The following SETDB1 variants were observed in gnomAD, a reference collection of about 807,000 sequenced individuals.
The protein encoded by SETDB1 is histone-lysine N-methyltransferase SETDB1.
SETDB1 carries 31 observed loss-of-function variants against 137.4 expected under a neutral mutation model. That is an observed-to-expected ratio of 0.23 (90% CI 0.17 to 0.30). SETDB1 has a LOEUF of 0.30. Ranked by LOEUF, SETDB1 falls within the 10% of genes least tolerant of loss-of-function variation. The pLI is 1.00. For synonymous variants in SETDB1, 548 were observed against 579.9 expected, an observed-to-expected ratio of 0.95 and a Z score of 0.79; for missense variants, 1,113 against 1,631.5, an observed-to-expected ratio of 0.68 and a Z score of 5.47.
chr1:150,941,499 G>A (rs903066775), intron 5 of SETDB1, 71 bp downstream of exon 5: 1 of 916,164 alleles, frequency 1.1e-6, no homozygotes, highest in South Asian at 1.4e-5. Flanking sequence ...TAAGTCTTAT[G>A]TCTGCTAATT....
intron 14 of SETDB1, among the ~76,000 whole-genome samples, chr1:150,958,378 A>G (rs1238706951): frequency 6.6e-6 from 1 of 151,244 alleles, no homozygotes; most frequent in Non-Finnish European, 1.5e-5. Flanking sequence ...CAGCCTCCCA[A>G]GTAGCTGGGA....
chr1:150,963,070 A>G lies in SETDB1; in HGVS notation c.3391A>G (p.Ser1131Gly). The G allele has an allele frequency of 6.2e-7, 1 of 1,614,232 alleles. No homozygotes were observed. The highest frequency in any genetic ancestry group is 1.3e-5 in the African/African-American group (1 of 75,062). The change falls in exon 19 of 22, where the codon AGT becomes GGT. Residue 1131 changes from serine (S) to glycine (G), a missense_variant. Around this residue, in one of 11 missense-constraint regions of SETDB1, gnomAD observed 373 missense variants for 412.7 expected, o/e 0.90. Transcript: ENST00000692827. The part of the protein sequence containing the change: ...AGQTSATAVD[S>G]DDIQTISSGS... ...TCAGACTTCGGCTACAGCGGTTGACAGTGATGATATCCAGACCATATCCTC... is the reference window on the plus strand; with the variant it reads ...TCAGACTTCGGCTACAGCGGTTGACGGTGATGATATCCAGACCATATCCTC...
intron 15 of SETDB1, among the ~76,000 whole-genome samples, chr1:150,959,955 C>T (rs1418511406): frequency 6.6e-6 from 1 of 151,918 alleles, no homozygotes; most frequent in Non-Finnish European, 1.5e-5. Context: ...TGCCTGTAAT[C>T]CCAGCTACTT....
At chr1:150,938,386 T>A (rs1437914938) in intron 3 of SETDB1, among the ~76,000 whole-genome samples, 1 of 152,010 alleles carries the variant, frequency 6.6e-6, no homozygotes, top group Non-Finnish European at 1.5e-5. Context: ...GAGGGAGGAA[T>A]GAGAAATGAC....
At chr1:150,963,924 ACT>A in intron 20 of SETDB1, 69 bp from the exon 21 acceptor site, 8 of 1,452,234 alleles carry the variant, frequency 5.5e-6, no homozygotes, top group South Asian at 3.4e-5. Context: ...TTTTCTTCCA[ACT>A]CTCACTCTCC....
At chr1:150,933,888 A>G (rs1180673721) in intron 3 of SETDB1, among the ~76,000 whole-genome samples, 2 of 145,194 alleles carry the variant, frequency 1.4e-5, no homozygotes, top group African/African-American at 5.2e-5. Context: ...GGTTCAAGCG[A>G]TTCTCCTGCC....
At chr1:150,931,305 G>T (rs1669735248) in intron 3 of SETDB1, among the ~76,000 whole-genome samples, 1 of 140,230 alleles carries the variant, frequency 7.1e-6, no homozygotes, top group South Asian at 2.5e-4. Flanking sequence ...AGACATCCTG[G>T]CCAGGCGTGG....
Position 150,960,878 on chromosome 1 carries a change from T to C in SETDB1, c.2819T>C (p.Leu940Pro). ...ACCCGGGGCCAGAAAGAGAACGGAC[T>C]CTCTGAGACAACTTCCAAGGACTCC... is the stretch of plus-strand genomic sequence containing the variant. ...RQTRGQKENG[L>P]SETTSKDSHP... The change falls in exon 16 of 22, where the codon CTC (leucine) becomes CCC (proline). Residue 940 changes from leucine to proline, a missense_variant. By Grantham distance (98) the Leu-to-Pro change is moderately conservative. Coordinates refer to ENST00000692827, the MANE Select transcript of SETDB1 (RefSeq NM_001366418.1). 3 of 1,610,078 alleles carry C rather than the reference T, an allele frequency of 1.9e-6. No individual in the cohort carries two copies. Among genetic ancestry groups the C allele is most frequent in the Non-Finnish European group, 2.5e-6 (3 of 1,177,758 alleles).
chr1:150,926,529 A>AGAT lies in SETDB1; in HGVS notation c.-12+12_-12+13insGAT. 2.9e-6 allele frequency: 1 copy of AGAT among 345,482 alleles called. No individual in the cohort carries two copies. The highest frequency in any genetic ancestry group is 2.3e-5 in the South Asian group (1 of 44,108). The allele number at this position is 345,482 out of a possible 1,614,324, so 21.4% of individuals were successfully genotyped here. A position where few individuals can be genotyped will look rare whatever the true frequency, so the allele number is the denominator to read the frequency against. On this transcript the variant is annotated intron_variant, in intron 1 of 21. Transcript: ENST00000692827. ...CTGGAAGACGGGAGGTGCGGGGAAT[A>AGAT]CTGTTGAGTTATTTGGTGACCAAAG...
In SETDB1 at chr1:150,951,354, CTG is replaced by C. The variant is rs1558022330; in HGVS notation, c.2217-9_2217-8del. ...CCCCGCTCCTTTCCTTTATTTCCCT[CTG>C]TCATATAGGTCCAAGTGTGCCTGCC... On this transcript the variant is annotated splice_polypyrimidine_tract_variant and intron_variant, in intron 13 of 21. Transcript: ENST00000692827. 5 of 1,566,610 alleles carry C rather than the reference CTG, an allele frequency of 3.2e-6. No homozygotes were observed. Among genetic ancestry groups the C allele is most frequent in the Admixed American group, 1.7e-5 (1 of 59,672 alleles).
intron 14 of SETDB1, 110 bp from the exon 15 acceptor site, chr1:150,959,068 A>T: frequency 1.3e-6 from 1 of 749,082 alleles, no homozygotes; most frequent in African/African-American, 1.9e-5. Context: ...TTTAATCTTT[A>T]TCCACAACAC....
chr1:150,963,804 C>T (rs74681459), intron 20 of SETDB1, 63 bp downstream of exon 20: 1 of 1,511,216 alleles, frequency 6.6e-7, no homozygotes, highest in South Asian at 1.1e-5. Flanking sequence ...TTTCTTTTAA[C>T]ATACTCTATA....
chr1:150,931,635 AT>A (rs1669753296), intron 3 of SETDB1, among the ~76,000 whole-genome samples: 1 of 118,442 alleles, frequency 8.4e-6, no homozygotes, highest in Admixed American at 1.0e-4. Context: ...AAAATAAAAA[AT>A]AAAAAAAATA....
At position 150,938,583 on chromosome 1, in the gene SETDB1, C is replaced by T. The variant is rs587609953; in HGVS notation, c.413-1357C>T. 1.2e-4 allele frequency among the ~76,000 whole-genome samples: 19 copies of T among 152,092 alleles called. No individual in the cohort carries two copies. In the South Asian group the frequency reaches 3.1e-3, roughly 25 times the overall value. On this transcript the variant is annotated intron_variant, in intron 3 of 21. Transcript: ENST00000692827. ...CACGATCTCAGCTCACTACAACCTC[C>T]GCCTCCCAGGTCCCGGTTCAAGTGA...
In SETDB1 at chr1:150,963,897, G is replaced by GGGTCA. The variant is rs767223934; in HGVS notation, c.3673-96_3673-92dup. 3 of 1,285,836 alleles carry GGGTCA rather than the reference G, an allele frequency of 2.3e-6. No homozygotes were observed. In the South Asian group the frequency reaches 3.6e-5, roughly 15 times the overall value. The allele number at this position is 1,285,836 out of a possible 1,614,324, so 79.7% of individuals were successfully genotyped here. A position where few individuals can be genotyped will look rare whatever the true frequency, so the allele number is the denominator to read the frequency against. ...TTCAAAGCATCTATTATAATGGGGA[G>GGGTCA]GGTCAGATGGCATCATTTTTCTTCC... On this transcript the variant is annotated intron_variant, in intron 20 of 21. Coordinates refer to ENST00000692827, the MANE Select transcript of SETDB1 (RefSeq NM_001366418.1).
In SETDB1 at chr1:150,950,643, T is replaced by C. The variant is rs912447951; in HGVS notation, c.1769T>C (p.Met590Thr). ...SYTCLSRVRP[M>T]RNEQYRGKNP... is the part of the protein sequence containing the mutation. ...ACCTGTCTGTCTCGAGTCAGACCTATGAGGAATGAGCAGTACCGGGGCAAG... is the reference window on the plus strand; with the variant it reads ...ACCTGTCTGTCTCGAGTCAGACCTACGAGGAATGAGCAGTACCGGGGCAAG... Residue 590 changes from methionine to threonine, a missense_variant, in exon 13 of 22, where the codon ATG (methionine) becomes ACG (threonine). This residue lies in a region of SETDB1 where 192 missense variants were observed against 198.1 expected (regional missense o/e 0.97). Coordinates refer to ENST00000692827, the MANE Select transcript of SETDB1 (RefSeq NM_001366418.1). 3 of 1,614,150 alleles carry C rather than the reference T, an allele frequency of 1.9e-6. No homozygotes were observed. The highest frequency in any genetic ancestry group is 4.5e-5 in the East Asian group (2 of 44,888).
rs766865451 is a variant in SETDB1 at position 150,943,906 on chromosome 1, CTCT to C, written c.876-9_876-7del. ...TAACCCCCAGATCTTTCTGCTGTCA[CTCT>C]TCTTTTATAGGTTTCTCATTTTCTT... On this transcript the variant is annotated splice_polypyrimidine_tract_variant and intron_variant, in intron 7 of 21. Transcript: ENST00000692827. The C allele has an allele frequency of 2.2e-5, 34 of 1,559,598 alleles. No individual in the cohort carries two copies. Among genetic ancestry groups the C allele is most frequent in the Non-Finnish European group, 2.7e-5 (30 of 1,130,962 alleles).
chr1:150,935,548 T>G (rs1487311072), intron 3 of SETDB1, among the ~76,000 whole-genome samples: 1 of 152,180 alleles, frequency 6.6e-6, no homozygotes, highest in Admixed American at 6.5e-5. Context: ...TTCTTCAATT[T>G]TCTCTCTGTG....
In SETDB1 at chr1:150,942,623, G is replaced by A. The variant is rs371182642; in HGVS notation, c.608G>A (p.Arg203Gln). The A allele has an allele frequency of 1.1e-5, 18 of 1,613,802 alleles. No homozygotes were observed. The highest frequency in any genetic ancestry group is 5.0e-5 in the Admixed American group (3 of 59,938). ...SKDGDLIVSM[R>Q]ILGKKRTKTW... is the part of the protein sequence containing the mutation. The stretch of plus-strand genomic sequence containing the variant: ...GATGGTGACCTGATAGTCAGCATGC[G>A]AATTCTGGGCAAGAAGAGAACTAAG... The change falls in exon 6 of 22, where the codon CGA (arginine) becomes CAA (glutamine). Residue 203 changes from arginine (R) to glutamine (Q), a missense_variant. Around this residue, in one of 11 missense-constraint regions of SETDB1, gnomAD observed 154 missense variants for 303.1 expected, o/e 0.51. Transcript: ENST00000692827.
Sources: gnomAD v4.1 joint callset for allele counts (sites outside exome capture counted in the v4.1 genomes callset) on GRCh38, gnomAD v4.1.1 for gene constraint, gnomAD v4.1.1 regional missense constraint, MANE v1.5 for transcripts, NCBI Gene and HGNC (gene_info 2026-07-23, HGNC 2026-07-21) for gene names.